Variants in TDRD9 observed in about 807,000 individuals in gnomAD.
The protein encoded by TDRD9 is ATP-dependent RNA helicase TDRD9.
Under a neutral mutation model 172.6 loss-of-function variants are expected in TDRD9, and 124 were observed. That is an observed-to-expected ratio of 0.72 (90% CI 0.62 to 0.83). The LOEUF is 0.83. TDRD9 is among the 40% of genes least tolerant of loss of function. The probability of loss-of-function intolerance (pLI) is 0.00; values close to 1 mark genes in which losing one functional copy is unlikely to be tolerated. For synonymous variants in TDRD9, 619 were observed against 617.1 expected (o/e 1.00, Z -0.05); for missense variants, 1,479 against 1,714.1 (o/e 0.86, Z 2.42).
chr14:103,974,370 A>G (rs1566751784), intron 6 of TDRD9, among the ~76,000 whole-genome samples: 1 of 152,158 alleles, frequency 6.6e-6, no homozygotes, highest in African/African-American at 2.4e-5. Context: ...TTCTCCTGGC[A>G]CGTCTCGGGC....
Position 103,975,561 on chromosome 14 carries a change from A to C in TDRD9, c.1011+8A>C, listed in dbSNP as rs2033201963. ...CACATTCATCATAGCAAGGTATGTT[A>C]GAATGTGCTGTTTCTTTTATAGTGA... On this transcript the variant is annotated splice_region_variant and intron_variant, in intron 7 of 35. Transcript: ENST00000409874. The C allele has an allele frequency of 3.8e-6, 6 of 1,590,226 alleles. No individual in the cohort carries two copies. Among genetic ancestry groups the C allele is most frequent in the Non-Finnish European group, 5.1e-6 (6 of 1,166,866 alleles).
At chr14:103,961,035 C>G (rs1383930714) in intron 2 of TDRD9, among the ~76,000 whole-genome samples, 1 of 152,168 alleles carries the variant, frequency 6.6e-6, no homozygotes, top group Non-Finnish European at 1.5e-5. Flanking sequence ...TTGCCTCTCC[C>G]TTTGTCTGCA....
At chr14:103,962,265 T>C (rs1179103900) in intron 2 of TDRD9, among the ~76,000 whole-genome samples, 2 of 151,898 alleles carry the variant, frequency 1.3e-5, no homozygotes, top group Non-Finnish European at 2.9e-5. Context: ...TAGCAGGGAA[T>C]GCACACTTAA....
intron 20 of TDRD9, among the ~76,000 whole-genome samples, chr14:104,012,513 G>C (rs925131802): frequency 1.1e-4 from 15 of 133,400 alleles, no homozygotes; most frequent in African/African-American, 3.7e-4. Flanking sequence ...CTAAATCATT[G>C]CTTTTTTTTT....
Position 104,018,212 on chromosome 14 carries a change from C to A in TDRD9, c.2432+20C>A, listed in dbSNP as rs369917165. ...TGCAAAGTAAGTATATTTTTGTAAT[C>A]AACTGCAATTATGAAGGAGGCATAA... On this transcript the variant is annotated intron_variant, in intron 23 of 35. Coordinates refer to ENST00000409874, the MANE Select transcript of TDRD9 (RefSeq NM_153046.3). 39 of 1,392,214 alleles carry A rather than the reference C, an allele frequency of 2.8e-5. No homozygotes were observed. The African/African-American group carries it at 5.1e-4, about 18-fold the overall frequency. The allele number at this position is 1,392,214 out of a possible 1,614,324, so 86.2% of individuals were successfully genotyped here.
intron 7 of TDRD9, among the ~76,000 whole-genome samples, chr14:103,985,414 C>T (rs1051170397): frequency 6.6e-5 from 10 of 152,328 alleles, no homozygotes; most frequent in African/African-American, 1.9e-4. Flanking sequence ...CACAAGCTCT[C>T]TCTGTCTTCC....
intron 32 of TDRD9, 89 bp from the exon 33 acceptor site, chr14:104,040,107 G>C (rs1277142337): frequency 8.1e-7 from 1 of 1,230,450 alleles, no homozygotes. Flanking sequence ...GCAGAATTTA[G>C]GATAATTTTA....
intron 12 of TDRD9, among the ~76,000 whole-genome samples, chr14:103,996,492 T>C (rs768096499): frequency 2.6e-5 from 4 of 152,166 alleles, no homozygotes; most frequent in Non-Finnish European, 4.4e-5. Context: ...ATCTTTCAGA[T>C]AGGATCTTTC....
intron 1 of TDRD9, among the ~76,000 whole-genome samples, chr14:103,954,331 G>A (rs964928965): frequency 1.3e-5 from 2 of 152,140 alleles, no homozygotes; most frequent in South Asian, 2.1e-4. Context: ...AGCGTCACCC[G>A]ATTTTAATTT....
intron 32 of TDRD9, among the ~76,000 whole-genome samples, chr14:104,037,021 T>G (rs1396483330): frequency 6.6e-6 from 1 of 152,136 alleles, no homozygotes; most frequent in Non-Finnish European, 1.5e-5. Context: ...ACTCTGTCTC[T>G]AAGGTTGGAG....
At chr14:103,956,144 AT>A (rs2032225718) in intron 2 of TDRD9, among the ~76,000 whole-genome samples, 1 of 80,856 alleles carries the variant, frequency 1.2e-5, no homozygotes, top group Non-Finnish European at 2.6e-5. Flanking sequence ...ATATATATAT[AT>A]ATATAATTAT....
intron 1 of TDRD9, among the ~76,000 whole-genome samples, chr14:103,950,528 T>C (rs184557898): frequency 4.6e-5 from 7 of 152,370 alleles, no homozygotes; most frequent in Non-Finnish European, 7.3e-5. Context: ...AATCTTCTTA[T>C]GAAGAACACA....
chr14:104,004,200 T>G (rs1405291238), intron 13 of TDRD9, 38 bp from the exon 14 acceptor site: 7 of 1,051,276 alleles, frequency 6.7e-6, no homozygotes, highest in Middle Eastern at 2.0e-4. Context: ...GTTAAAGTAA[T>G]TAATGCCAAA....
At chr14:103,966,885 C>G (rs2032774801) in intron 5 of TDRD9, 54 bp downstream of exon 5, 1 of 1,491,212 alleles carries the variant, frequency 6.7e-7, no homozygotes, top group Non-Finnish European at 9.0e-7. Flanking sequence ...TAAAAAAACT[C>G]TCAGAGTATT....
chr14:103,950,488 C>T (rs1405239170), intron 1 of TDRD9, among the ~76,000 whole-genome samples: 1 of 152,128 alleles, frequency 6.6e-6, no homozygotes, highest in East Asian at 1.9e-4. Flanking sequence ...AGTTATTGTG[C>T]TGAGCAATTT....
Position 103,970,666 on chromosome 14 carries a change from T to A in TDRD9, c.846+45T>A, listed in dbSNP as rs750980659. 28 of 1,440,182 alleles carry A rather than the reference T, an allele frequency of 1.9e-5. 1 individual carries two copies. In the Middle Eastern group the frequency reaches 5.2e-4, roughly 27 times the overall value. 89.2% of individuals were successfully genotyped at this position (1,440,182 alleles called of 1,614,324 possible). A position where few individuals can be genotyped will look rare whatever the true frequency, so the allele number is the denominator to read the frequency against. Reference sequence around the variant, plus strand: ...TAACAGACATATTTAGGATTAAGATTCATTGTTTAGTTTTGTTTCTCTCTA... The same window carrying A: ...TAACAGACATATTTAGGATTAAGATACATTGTTTAGTTTTGTTTCTCTCTA... On this transcript the variant is annotated intron_variant, in intron 6 of 35. Coordinates refer to ENST00000409874, the MANE Select transcript of TDRD9 (RefSeq NM_153046.3).
At chr14:103,956,740 C>G (rs1057170446) in intron 2 of TDRD9, among the ~76,000 whole-genome samples, 1 of 151,994 alleles carries the variant, frequency 6.6e-6, no homozygotes, top group African/African-American at 2.4e-5. Context: ...AGTAAAAGGT[C>G]CTTCTTAAAT....
intron 1 of TDRD9, among the ~76,000 whole-genome samples, chr14:103,950,091 T>A (rs1389820483): frequency 5.3e-5 from 2 of 37,580 alleles, no homozygotes; most frequent in Non-Finnish European, 1.1e-4. Flanking sequence ...CCTTCCTTCC[T>A]TTTTTTTTTT....
chr14:103,992,655 G>T (rs908640171), intron 9 of TDRD9, among the ~76,000 whole-genome samples: 1 of 151,938 alleles, frequency 6.6e-6, no homozygotes, highest in African/African-American at 2.4e-5. Context: ...CGGGCGTGGG[G>T]GCTCATGCCT....
Sources: allele counts gnomAD v4.1 joint callset (sites outside exome capture counted in the v4.1 genomes callset), GRCh38; gene constraint gnomAD v4.1.1; transcripts MANE v1.5; gene names NCBI Gene and HGNC (gene_info 2026-07-23, HGNC 2026-07-21).